The following GLP2R variants were observed in gnomAD, a reference collection of about 807,000 sequenced individuals.
GLP2R encodes the protein glucagon-like peptide 2 receptor.
GLP2R carries 59 observed loss-of-function variants against 68.2 expected under a neutral mutation model. That is an observed-to-expected ratio of 0.87 (90% CI 0.70 to 1.07). The LOEUF (loss-of-function observed/expected upper bound fraction) is 1.07, where lower values mean the gene tolerates loss of function less well. Among genes scored for constraint, GLP2R ranks in the 50% least tolerant of loss-of-function variants. GLP2R has a pLI of 0.00. For missense variants in GLP2R, 548 were observed against 677.4 expected (o/e 0.81, Z 2.12); for synonymous variants, 270 against 265.4 (o/e 1.02, Z -0.17).
intron 3 of GLP2R, among the ~76,000 whole-genome samples, chr17:9,838,570 C>T (rs2066755316): frequency 6.6e-6 from 1 of 152,020 alleles, no homozygotes; most frequent in Non-Finnish European, 1.5e-5. Flanking sequence ...ATCCATTCCA[C>T]TGTAAGAGAA....
intron 9 of GLP2R, among the ~76,000 whole-genome samples, chr17:9,863,439 C>A (rs927917406): frequency 1.3e-5 from 2 of 152,174 alleles, no homozygotes; most frequent in Admixed American, 6.5e-5. Context: ...TAGAGCCAGT[C>A]AATGGAAACT....
chr17:9,879,123 G>T (rs2067167002), intron 10 of GLP2R, among the ~76,000 whole-genome samples: 1 of 151,722 alleles, frequency 6.6e-6, no homozygotes, highest in South Asian at 2.1e-4. Context: ...TCCTTAAAAA[G>T]TCCACATCCA....
At chr17:9,856,774 T>C (rs2066937039) in intron 5 of GLP2R, among the ~76,000 whole-genome samples, 1 of 152,240 alleles carries the variant, frequency 6.6e-6, no homozygotes, top group Non-Finnish European at 1.5e-5. Context: ...GACTTCATCC[T>C]TCTGCTTTAA....
intron 11 of GLP2R, among the ~76,000 whole-genome samples, chr17:9,885,310 C>T (rs550100118): frequency 1.3e-5 from 2 of 152,082 alleles, no homozygotes; most frequent in South Asian, 4.2e-4. Flanking sequence ...CTGCCTCAGC[C>T]TCCCGAGTAG....
Position 9,882,993 on chromosome 17 carries a change from A to AAG in GLP2R, c.1284+2478_1284+2479insGA, listed in dbSNP as rs1004142733. Among the ~76,000 whole-genome samples, 70 of 56,728 alleles carry AAG rather than the reference A, an allele frequency of 1.2e-3. No individual in the cohort carries two copies. In the East Asian group the frequency reaches 0.062, roughly 51 times the overall value. The allele number at this position is 56,728 out of a possible 152,430, so 37.2% of individuals were successfully genotyped here. A position where few individuals can be genotyped will look rare whatever the true frequency, so the allele number is the denominator to read the frequency against. ...AAAAGTGTGACCCATACTCAGGACA[A>AAG]AAAAAAAAAAAAAGCAGTCATTAGA... On this transcript the variant is annotated intron_variant, in intron 11 of 12. Coordinates refer to ENST00000262441, the MANE Select transcript of GLP2R (RefSeq NM_004246.3).
In GLP2R at chr17:9,857,430, C is replaced by T. The variant is rs1222025433; in HGVS notation, c.619C>T (p.His207Tyr). The change falls in exon 6 of 13, where the codon CAC becomes TAC. Residue 207 changes from histidine to tyrosine, a missense_variant. His to Tyr is a moderately conservative substitution (Grantham distance 83). Coordinates refer to ENST00000262441, the MANE Select transcript of GLP2R (RefSeq NM_004246.3). ...LTLLLFLRKL[H>Y]CTRNYIHMNL... is the part of the protein sequence containing the mutation. ...GGTTTTCTCCTCGCACAGAAAACTC[C>T]ACTGCACGCGCAACTACATCCACAT... 1.9e-6 allele frequency: 3 copies of T among 1,613,994 alleles called. No individual in the cohort carries two copies. Among genetic ancestry groups the T allele is most frequent in the Non-Finnish European group, 2.5e-6 (3 of 1,180,014 alleles).
At chr17:9,861,443 A>G (rs1326784589) in intron 8 of GLP2R, among the ~76,000 whole-genome samples, 1 of 152,206 alleles carries the variant, frequency 6.6e-6, no homozygotes, top group East Asian at 1.9e-4. Flanking sequence ...CTGGGTACGT[A>G]AGGACAAAAA....
chr17:9,889,272 A>G, intron 12 of GLP2R, 98 bp from the exon 13 acceptor site: 1 of 751,164 alleles, frequency 1.3e-6, no homozygotes, highest in Non-Finnish European at 2.2e-6. Context: ...TAAATTTCCC[A>G]AGGGTGGCAC....
chr17:9,846,628 C>T (rs995472838), intron 4 of GLP2R, among the ~76,000 whole-genome samples: 6 of 151,846 alleles, frequency 4.0e-5, no homozygotes, highest in African/African-American at 1.2e-4. Flanking sequence ...CAAAAAACAA[C>T]GAACAAACAA....
intron 3 of GLP2R, among the ~76,000 whole-genome samples, chr17:9,842,074 C>T (rs904366643): frequency 1.4e-5 from 2 of 147,460 alleles, no homozygotes; most frequent in East Asian, 2.0e-4. Context: ...CACACTCATG[C>T]ATGGATGGCG....
chr17:9,852,252 T>C (rs2066898634), intron 4 of GLP2R, among the ~76,000 whole-genome samples: 1 of 152,048 alleles, frequency 6.6e-6, no homozygotes, highest in African/African-American at 2.4e-5. Flanking sequence ...CCCCCGTGTG[T>C]GATGTTCCCC....
chr17:9,864,407 A>G (rs1021523965), intron 9 of GLP2R, among the ~76,000 whole-genome samples: 10 of 152,236 alleles, frequency 6.6e-5, no homozygotes, highest in African/African-American at 1.9e-4. Flanking sequence ...TGTTAGAAAC[A>G]TCATGGCGGC....
chr17:9,886,066 C>T (rs1327381277), intron 11 of GLP2R, among the ~76,000 whole-genome samples: 1 of 152,222 alleles, frequency 6.6e-6, no homozygotes, highest in Non-Finnish European at 1.5e-5. Context: ...CTCTGCATCC[C>T]ACCAGGCAGA....
intron 9 of GLP2R, among the ~76,000 whole-genome samples, chr17:9,867,866 T>C (rs1521462): frequency 0.67 from 101,720 of 152,092 alleles, 35,111 homozygotes; most frequent in African/African-American, 0.84. Context: ...TGGTAAAATT[T>C]GTCTTCACTG....
chr17:9,844,745 C>T (rs1407696587), intron 4 of GLP2R, among the ~76,000 whole-genome samples: 1 of 116,254 alleles, frequency 8.6e-6, no homozygotes, highest in Admixed American at 1.3e-4. Flanking sequence ...GGCTGGAGTG[C>T]AATGGCATGA....
chr17:9,833,722 A>G, intron 1 of GLP2R, 85 bp from the exon 2 acceptor site: 4 of 775,284 alleles, frequency 5.2e-6, no homozygotes, highest in Middle Eastern at 2.4e-4. Context: ...CTTCAGTGGG[A>G]AGGTTGGAGA....
chr17:9,887,238 A>G (rs1211451398), intron 11 of GLP2R, among the ~76,000 whole-genome samples: 1 of 152,044 alleles, frequency 6.6e-6, no homozygotes, highest in Non-Finnish European at 1.5e-5. Context: ...CAAAGAAAAA[A>G]AAAAAAGGAC....
chr17:9,887,788 A>C, intron 11 of GLP2R, 144 bp from the exon 12 acceptor site: 1 of 731,626 alleles, frequency 1.4e-6, no homozygotes, highest in Non-Finnish European at 2.5e-6. Context: ...CAGTATGACT[A>C]ATTCTAGTTA....
chr17:9,834,198 T>G (rs2066706233), intron 2 of GLP2R, among the ~76,000 whole-genome samples: 1 of 152,160 alleles, frequency 6.6e-6, no homozygotes, highest in Non-Finnish European at 1.5e-5. Context: ...AAGATCACTT[T>G]GGCCATGTTC....
Sources: allele counts gnomAD v4.1 joint callset (sites outside exome capture counted in the v4.1 genomes callset), GRCh38; gene constraint gnomAD v4.1.1; transcripts MANE v1.5; gene names NCBI Gene and HGNC (gene_info 2026-07-23, HGNC 2026-07-21).